The following CPNE8 variants were observed in gnomAD, a reference collection of about 807,000 sequenced individuals.
CPNE8 encodes copine 8.
Under a neutral mutation model 81.5 loss-of-function variants are expected in CPNE8, and 45 were observed. The observed-to-expected ratio is 0.55, with a 90% CI of 0.44 to 0.71. The LOEUF is 0.71. Among genes scored for constraint, CPNE8 ranks in the 30% least tolerant of loss-of-function variants. CPNE8 has a pLI of 0.00. For missense variants in CPNE8, 594 were observed against 672.1 expected (o/e 0.88, Z 1.28); for synonymous variants, 252 against 226.3 (o/e 1.11, Z -1.02).
At chr12:38,820,215 G>A (rs969195276) in intron 6 of CPNE8, among the ~76,000 whole-genome samples, 1 of 151,866 alleles carries the variant, frequency 6.6e-6, no homozygotes, top group African/African-American at 2.4e-5. Context: ...GATCAGCCTC[G>A]CCAACATGGT....
intron 6 of CPNE8, among the ~76,000 whole-genome samples, chr12:38,778,010 G>A (rs1213825324): frequency 6.6e-6 from 1 of 152,122 alleles, no homozygotes; most frequent in Non-Finnish European, 1.5e-5. Flanking sequence ...GATCTGTCAT[G>A]GTCTCCCATC....
In CPNE8 at chr12:38,805,404, C is replaced by T. The variant is rs1295108718; in HGVS notation, c.407+23975G>A. Reference sequence around the variant, plus strand: ...GAAACCATCATTCTCAGTAAACTATCGCAAGAACAAAAAACCAAACACCGC... The same window carrying T: ...GAAACCATCATTCTCAGTAAACTATTGCAAGAACAAAAAACCAAACACCGC... On this transcript the variant is annotated intron_variant, in intron 6 of 19. Transcript: ENST00000331366. Among the ~76,000 whole-genome samples the T allele has an allele frequency of 1.3e-3, 58 of 46,048 alleles. 1 individual carries two copies. The highest frequency in any genetic ancestry group is 4.1e-3 in the African/African-American group (53 of 12,978). The allele number at this position is 46,048 out of a possible 152,430, so 30.2% of individuals were successfully genotyped here. A position where few individuals can be genotyped will look rare whatever the true frequency, so the allele number is the denominator to read the frequency against.
At chr12:38,672,791 CAG>C (rs1462743316) in intron 18 of CPNE8, among the ~76,000 whole-genome samples, 1 of 152,106 alleles carries the variant, frequency 6.6e-6, no homozygotes, top group East Asian at 1.9e-4. Context: ...TATCAAAATA[CAG>C]AGTTAAATTT....
intron 3 of CPNE8, among the ~76,000 whole-genome samples, chr12:38,861,687 A>G (rs1943838203): frequency 6.6e-6 from 1 of 152,202 alleles, no homozygotes; most frequent in African/African-American, 2.4e-5. Flanking sequence ...TTAAATATAC[A>G]CAAGGAAAGA....
intron 4 of CPNE8, among the ~76,000 whole-genome samples, chr12:38,840,654 T>A (rs531606681): frequency 7.2e-5 from 11 of 152,306 alleles, no homozygotes; most frequent in Non-Finnish European, 1.5e-4. Flanking sequence ...TATTGTTAAA[T>A]TGGCTGCAGT....
At chr12:38,873,443 G>C (rs945001905) in intron 2 of CPNE8, among the ~76,000 whole-genome samples, 2 of 152,084 alleles carry the variant, frequency 1.3e-5, no homozygotes, top group African/African-American at 4.8e-5. Flanking sequence ...ACGAAAACTT[G>C]GGGCAAGTCA....
At chr12:38,709,395 A>C (rs1940190534) in intron 13 of CPNE8, among the ~76,000 whole-genome samples, 1 of 152,260 alleles carries the variant, frequency 6.6e-6, no homozygotes, top group South Asian at 2.1e-4. Context: ...TACTCAGTGA[A>C]TTAACCTTGC....
intron 1 of CPNE8, 59 bp from the exon 2 acceptor site, chr12:38,874,570 T>C (rs754598119): frequency 1.5e-5 from 16 of 1,078,422 alleles, no homozygotes; most frequent in Non-Finnish European, 2.2e-5. Flanking sequence ...TATATTTATA[T>C]AGACATATTA....
chr12:38,690,061 T>G (rs185122028), intron 15 of CPNE8, among the ~76,000 whole-genome samples: 1 of 152,166 alleles, frequency 6.6e-6, no homozygotes, highest in East Asian at 1.9e-4. Context: ...TGGCCAAAAC[T>G]TATACACTGG....
chr12:38,742,874 C>A (rs894962298), intron 10 of CPNE8, among the ~76,000 whole-genome samples: 25 of 151,628 alleles, frequency 1.6e-4, no homozygotes, highest in East Asian at 5.8e-4. Flanking sequence ...ACAAGCAAAA[C>A]CAGCAATATA....
At position 38,826,995 on chromosome 12, in the gene CPNE8, C is replaced by T. The variant is rs529393103; in HGVS notation, c.407+2384G>A. On this transcript the variant is annotated intron_variant, in intron 6 of 19. Coordinates refer to ENST00000331366, the MANE Select transcript of CPNE8 (RefSeq NM_153634.3). ...CCAGCCTGACCAACATGCTGAAACC[C>T]CGTCTCTACTAAAAATACAAAAAAA... Among the ~76,000 whole-genome samples the T allele has an allele frequency of 4.8e-3, 715 of 148,034 alleles. 8 individuals carry two copies. Among genetic ancestry groups the T allele is most frequent in the African/African-American group, 0.016 (651 of 40,218 alleles).
At chr12:38,825,297 C>G (rs1411448489) in intron 6 of CPNE8, among the ~76,000 whole-genome samples, 1 of 152,150 alleles carries the variant, frequency 6.6e-6, no homozygotes, top group Non-Finnish European at 1.5e-5. Flanking sequence ...CCCTCTTCCA[C>G]TGAAATATCT....
At chr12:38,760,747 A>G (rs2136848707) in intron 10 of CPNE8, 100 bp downstream of exon 10, 2 of 915,522 alleles carry the variant, frequency 2.2e-6, no homozygotes, top group East Asian at 5.1e-5. Flanking sequence ...CAAAACAAAT[A>G]TGCCATCTAA....
chr12:38,769,814 A>G (rs1941764840), intron 7 of CPNE8, among the ~76,000 whole-genome samples: 1 of 152,132 alleles, frequency 6.6e-6, no homozygotes, highest in Non-Finnish European at 1.5e-5. Flanking sequence ...ACTAAATTTA[A>G]TTTTTCAAAT....
Position 38,675,769 on chromosome 12 carries a change from T to C in CPNE8, c.1380A>G (p.Ser460=). The change falls in exon 18 of 20, where the codon TCA becomes TCG. Residue 460 remains serine, a synonymous_variant. Coordinates refer to ENST00000331366, the MANE Select transcript of CPNE8 (RefSeq NM_153634.3). Reference sequence around the variant, plus strand: ...CTATAATTATTGACATTGGAAGTTTTGAGGCCTTCAAAGAGAATATACAAT... The same window carrying C: ...CTATAATTATTGACATTGGAAGTTTCGAGGCCTTCAAAGAGAATATACAAT... ...AQTKESIVNA[S]KLPMSIIIVG... is the part of the protein sequence containing the mutation. 6.3e-7 allele frequency: 1 copy of C among 1,598,520 alleles called. No individual in the cohort carries two copies. The highest frequency in any genetic ancestry group is 8.6e-7 in the Non-Finnish European group (1 of 1,166,240).
At chr12:38,856,271 G>A (rs775061477) in intron 3 of CPNE8, among the ~76,000 whole-genome samples, 5 of 152,024 alleles carry the variant, frequency 3.3e-5, no homozygotes, top group South Asian at 4.2e-4. Flanking sequence ...GAATGCTACC[G>A]AACATTTAAA....
intron 1 of CPNE8, among the ~76,000 whole-genome samples, chr12:38,899,882 C>A (rs1944434870): frequency 6.6e-6 from 1 of 151,920 alleles, no homozygotes; most frequent in Non-Finnish European, 1.5e-5. Flanking sequence ...CAAGGTGGCA[C>A]ACATGAATTG....
intron 1 of CPNE8, among the ~76,000 whole-genome samples, chr12:38,898,348 T>C (rs575086129): frequency 6.6e-6 from 1 of 152,232 alleles, no homozygotes; most frequent in South Asian, 2.1e-4. Context: ...ACATTAAGAC[T>C]TCAACGCCAC....
At chr12:38,833,369 A>AG (rs1490881858) in intron 5 of CPNE8, among the ~76,000 whole-genome samples, 1 of 151,256 alleles carries the variant, frequency 6.6e-6, no homozygotes, top group South Asian at 2.1e-4. Context: ...AAAAAAAAAA[A>AG]AAAGAAAAGA....
Sources: allele counts gnomAD v4.1 joint callset (sites outside exome capture counted in the v4.1 genomes callset), GRCh38; gene constraint gnomAD v4.1.1; transcripts MANE v1.5; gene names NCBI Gene and HGNC (gene_info 2026-07-23, HGNC 2026-07-21).